The following MARCHF5 variants were observed in gnomAD, a reference collection of about 807,000 sequenced individuals.
MARCHF5 encodes the protein membrane associated ring-CH-type finger 5.
MARCHF5 carries 5 observed loss-of-function variants against 36.5 expected under a neutral mutation model. The observed-to-expected ratio is 0.14, with a 90% confidence interval of 0.07 to 0.29. MARCHF5 has a LOEUF of 0.29. MARCHF5 is among the 10% of genes least tolerant of loss of function. MARCHF5 has a pLI of 1.00. For synonymous variants in MARCHF5, 103 were observed against 109.9 expected, an observed-to-expected ratio of 0.94 and a Z score of 0.39; for missense variants, 179 against 336.3, an observed-to-expected ratio of 0.53 and a Z score of 3.66.
At chr10:92,294,441 A>T (rs1842926537) in intron 1 of MARCHF5, among the ~76,000 whole-genome samples, 1 of 152,140 alleles carries the variant, frequency 6.6e-6, no homozygotes, top group Admixed American at 6.6e-5. Flanking sequence ...CATCTACTTT[A>T]TGTTTACAGC....
intron 1 of MARCHF5, among the ~76,000 whole-genome samples, chr10:92,295,713 C>T (rs1013563088): frequency 1.3e-5 from 2 of 151,314 alleles, no homozygotes; most frequent in Non-Finnish European, 2.9e-5. Flanking sequence ...TGGCCTGTGG[C>T]AACTTCTTAA....
At chr10:92,301,985 C>G (rs981279626) in intron 1 of MARCHF5, among the ~76,000 whole-genome samples, 1 of 152,040 alleles carries the variant, frequency 6.6e-6, no homozygotes. Context: ...CGCTTGAACC[C>G]GGGAGGCAGA....
chr10:92,346,120 A>G (rs1032781077), intron 3 of MARCHF5, among the ~76,000 whole-genome samples: 1 of 152,254 alleles, frequency 6.6e-6, no homozygotes, highest in African/African-American at 2.4e-5. Flanking sequence ...GTATGTGATT[A>G]CACACAGGTT....
chr10:92,342,234 T>C (rs1183208664), intron 3 of MARCHF5, among the ~76,000 whole-genome samples: 1 of 150,206 alleles, frequency 6.7e-6, no homozygotes, highest in Non-Finnish European at 1.5e-5. Context: ...CACTGCAGCC[T>C]TACTCCTGGG....
intron 2 of MARCHF5, among the ~76,000 whole-genome samples, chr10:92,319,834 A>G (rs1843267844): frequency 6.8e-6 from 1 of 147,956 alleles, no homozygotes; most frequent in Non-Finnish European, 1.5e-5. Context: ...TTTGTATTTC[A>G]GTATAGACAG....
At chr10:92,301,090 T>G (rs574856286) in intron 1 of MARCHF5, among the ~76,000 whole-genome samples, 1 of 152,220 alleles carries the variant, frequency 6.6e-6, no homozygotes. Flanking sequence ...TTTCACTGTT[T>G]TGGCCAGGCT....
At chr10:92,315,348 T>G (rs528017237) in intron 2 of MARCHF5, among the ~76,000 whole-genome samples, 4 of 152,230 alleles carry the variant, frequency 2.6e-5, no homozygotes, top group Non-Finnish European at 5.9e-5. Context: ...ATGATAGAAT[T>G]TTGCCAGTAG....
At chr10:92,323,090 G>A (rs573557264) in intron 2 of MARCHF5, among the ~76,000 whole-genome samples, 63 of 152,230 alleles carry the variant, frequency 4.1e-4, no homozygotes, top group African/African-American at 1.4e-3. Context: ...GAGTGCAGTA[G>A]CTGTTAACAG....
In MARCHF5 at chr10:92,311,303, C is replaced by CA. The variant is rs1342706515; in HGVS notation, c.206dup (p.Asn69LysfsTer3). The stretch of plus-strand genomic sequence containing the variant: ...CAGCCAGAGTGGCATGTCCTCAGTG[C>CA]AATGCTGAATACCTAATAGTTTTTC... On this transcript the variant is annotated frameshift_variant, in exon 2 of 6. Coordinates refer to ENST00000358935, the MANE Select transcript of MARCHF5 (RefSeq NM_017824.5). LOFTEE classifies it high-confidence loss of function. The CA allele has an allele frequency of 6.2e-7, 1 of 1,605,332 alleles. No homozygotes were observed. Among genetic ancestry groups the CA allele is most frequent in the South Asian group, 1.1e-5 (1 of 89,988 alleles).
chr10:92,342,035 C>T (rs2135215830), intron 3 of MARCHF5, among the ~76,000 whole-genome samples: 1 of 151,734 alleles, frequency 6.6e-6, no homozygotes, highest in South Asian at 2.1e-4. Context: ...GTGATCCTCC[C>T]ACTTCAGCCT....
rs945622621 is a variant in MARCHF5, at chr10:92,311,421, CTT to C, written c.238+91_238+92del. Reference sequence around the variant, plus strand: ...AAGTTCATTTTAAAATGAACCACCTCTTTTTTTTAGGGTGTGAATTTCTATAT... The same window carrying C: ...AAGTTCATTTTAAAATGAACCACCTCTTTTTTAGGGTGTGAATTTCTATAT... On this transcript the variant is annotated intron_variant, in intron 2 of 5. Coordinates refer to ENST00000358935, the MANE Select transcript of MARCHF5 (RefSeq NM_017824.5). 3.4e-5 allele frequency: 31 copies of C among 915,384 alleles called. No individual in the cohort carries two copies. The East Asian group carries it at 7.8e-4, about 23-fold the overall frequency. The allele number at this position is 915,384 out of a possible 1,614,324, so 56.7% of individuals were successfully genotyped here.
At chr10:92,347,459 G>A (rs934101284) in intron 3 of MARCHF5, among the ~76,000 whole-genome samples, 22 of 141,972 alleles carry the variant, frequency 1.5e-4, no homozygotes, top group Admixed American at 4.5e-4. Context: ...CTGAAACTCC[G>A]TCTCAGATAG....
chr10:92,314,218 A>AG, intron 2 of MARCHF5, among the ~76,000 whole-genome samples: 1 of 138,104 alleles, frequency 7.2e-6, no homozygotes, highest in East Asian at 2.2e-4. Context: ...CTTAAATAAA[A>AG]GAGAGAATTA....
At position 92,345,823 on chromosome 10, in the gene MARCHF5, C is replaced by T. The variant is rs117344330; in HGVS notation, c.370-3526C>T. 2.6e-3 allele frequency among the ~76,000 whole-genome samples: 389 copies of T among 151,580 alleles called. 16 individuals carry two copies. In the East Asian group the frequency reaches 0.07, roughly 27 times the overall value. On this transcript the variant is annotated intron_variant, in intron 3 of 5. Coordinates refer to ENST00000358935, the MANE Select transcript of MARCHF5 (RefSeq NM_017824.5). ...GATCCTCCCACCTCAGCCTCCTGCA[C>T]AGCTGGGACTACATACACATGCCAC...
rs559437969 is a variant in MARCHF5 at position 92,319,120 on chromosome 10, G to GCA, written c.238+7783_238+7784insCA. Among the ~76,000 whole-genome samples the GCA allele has an allele frequency of 5.5e-4, 83 of 152,286 alleles. 3 individuals carry two copies. The East Asian group carries it at 0.014, about 26-fold the overall frequency. ...TGAGTCGAAAAATTCCCATCACCTTGTGGCATTGTAGCTGTGGTAACATAG... is the reference window on the plus strand; with the variant it reads ...TGAGTCGAAAAATTCCCATCACCTTGCATGGCATTGTAGCTGTGGTAACATAG... On this transcript the variant is annotated intron_variant, in intron 2 of 5. Coordinates refer to ENST00000358935, the MANE Select transcript of MARCHF5 (RefSeq NM_017824.5).
At chr10:92,325,199 A>G (rs921076355) in intron 2 of MARCHF5, among the ~76,000 whole-genome samples, 1 of 152,166 alleles carries the variant, frequency 6.6e-6, no homozygotes, top group Non-Finnish European at 1.5e-5. Flanking sequence ...AACTTTAGCC[A>G]GGCATGGTGG....
chr10:92,345,919 G>A (rs1843638604), intron 3 of MARCHF5, among the ~76,000 whole-genome samples: 1 of 151,770 alleles, frequency 6.6e-6, no homozygotes. Flanking sequence ...CAAACTCCTA[G>A]ACTCAAGTTA....
intron 2 of MARCHF5, among the ~76,000 whole-genome samples, chr10:92,317,072 C>A (rs1463384781): frequency 1.3e-5 from 2 of 151,994 alleles, no homozygotes; most frequent in Non-Finnish European, 2.9e-5. Context: ...ATCTTGACTC[C>A]CAAGGGACTG....
At chr10:92,326,148 C>G (rs1204964664) in intron 2 of MARCHF5, among the ~76,000 whole-genome samples, 1 of 152,092 alleles carries the variant, frequency 6.6e-6, no homozygotes, top group Non-Finnish European at 1.5e-5. Context: ...CTGGGAGAAA[C>G]CTTCCTAGAG....
Sources: gnomAD v4.1 joint callset for allele counts (sites outside exome capture counted in the v4.1 genomes callset) on GRCh38, gnomAD v4.1.1 for gene constraint, MANE v1.5 for transcripts, NCBI Gene and HGNC (gene_info 2026-07-23, HGNC 2026-07-21) for gene names.